Variants in TCIRG1 observed in about 807,000 individuals in gnomAD.
The protein encoded by TCIRG1 is T cell immune regulator 1, ATPase H+ transporting V0 subunit a3.
Under a neutral mutation model 95.5 loss-of-function variants are expected in TCIRG1, and 86 were observed. The observed-to-expected ratio is 0.90, with a 90% confidence interval of 0.76 to 1.08. The LOEUF (loss-of-function observed/expected upper bound fraction) is 1.08, where lower values mean the gene tolerates loss of function less well. Ranked by LOEUF, TCIRG1 falls within the 50% of genes least tolerant of loss-of-function variation. The probability of loss-of-function intolerance (pLI) is 0.00; values close to 1 mark genes in which losing one functional copy is unlikely to be tolerated. For missense variants in TCIRG1, 1,069 were observed against 1,140.2 expected (o/e 0.94, Z 0.90); for synonymous variants, 499 against 501.3 (o/e 1.00, Z 0.06).
At chr11:68,048,742 C>T (rs922368428) in intron 13 of TCIRG1, 137 bp from the exon 14 acceptor site, 26 of 784,026 alleles carry the variant, frequency 3.3e-5, no homozygotes, top group Admixed American at 1.1e-4. Flanking sequence ...TGTTGCCCCT[C>T]GGTGGGTGGG....
intron 1 of TCIRG1, among the ~76,000 whole-genome samples, chr11:68,040,503 C>A (rs556283037): frequency 6.6e-6 from 1 of 152,194 alleles, no homozygotes; most frequent in Admixed American, 6.5e-5. Context: ...CCTGACCAGG[C>A]CTGTCCCCTC....
At position 68,050,273 on chromosome 11, in the gene TCIRG1, G is replaced by A. The variant is rs760337621; in HGVS notation, c.2236+19G>A. 1.7e-5 allele frequency: 28 copies of A among 1,607,538 alleles called. No homozygotes were observed. Among genetic ancestry groups the A allele is most frequent in the Admixed American group, 1.3e-4 (8 of 59,984 alleles). On this transcript the variant is annotated intron_variant, in intron 18 of 19. Coordinates refer to ENST00000265686, the MANE Select transcript of TCIRG1 (RefSeq NM_006019.4). ...CACGCCCGTGAGTGACCTGGCCACCGACGGCTGGCCCCAGCTCCTGGCTTC... is the reference window on the plus strand; with the variant it reads ...CACGCCCGTGAGTGACCTGGCCACCAACGGCTGGCCCCAGCTCCTGGCTTC...
chr11:68,044,255 G>A lies in TCIRG1; in HGVS notation c.931G>A (p.Val311Met), dbSNP rs78181205. Residue 311 changes from valine (V) to methionine (M), a missense_variant, in exon 9 of 20, where the codon GTG becomes ATG. Coordinates refer to ENST00000265686, the MANE Select transcript of TCIRG1 (RefSeq NM_006019.4). ...AVYLALNQCS[V>M]STTHKCLIAE... ...GTACCTGGCCCTGAACCAGTGCAGC[G>A]TGAGCACCACGCACAAGTGCCTCAT... is the stretch of plus-strand genomic sequence containing the variant. 36 of 1,602,724 alleles carry A rather than the reference G, an allele frequency of 2.2e-5. No homozygotes were observed. The East Asian group carries it at 4.1e-4, about 18-fold the overall frequency.
At position 68,043,893 on chromosome 11, in the gene TCIRG1, C is replaced by T; in HGVS notation, c.793C>T (p.Gln265Ter). Residue 265 changes from glutamine (Q) to a stop codon, truncating the protein, a stop_gained, in exon 8 of 20, where the codon CAG becomes TAG. Transcript: ENST00000265686. LOFTEE classifies it high-confidence loss of function. ...GALQQLQQQS[Q>*]ELQEVLGETE... The stretch of plus-strand genomic sequence containing the variant: ...CCTGCAGCAGCTGCAACAGCAGAGC[C>T]AGGAGCTGCAGGAGGTGGGTGCCCC... The T allele has an allele frequency of 6.4e-7, 1 of 1,552,866 alleles. No individual in the cohort carries two copies. The highest frequency in any genetic ancestry group is 8.7e-7 in the Non-Finnish European group (1 of 1,149,578).
rs1442151162 is a variant in TCIRG1 at position 68,047,463 on chromosome 11, T to G, written c.1196T>G (p.Leu399Arg). The change falls in exon 11 of 20, where the codon CTG becomes CGG. Residue 399 changes from leucine (L) to arginine (R), a missense_variant. Transcript: ENST00000265686. ...TACACCATCATCACCTTCCCCTTCC[T>G]GTTTGCTGTGATGTTCGGGGATGTG... ...APYTIITFPFLFAVMFGDVGH... is the reference protein window; with the variant it reads ...APYTIITFPFRFAVMFGDVGH... 2 of 1,614,078 alleles carry G rather than the reference T, an allele frequency of 1.2e-6. No homozygotes were observed. Among genetic ancestry groups the G allele is most frequent in the Non-Finnish European group, 8.5e-7 (1 of 1,179,990 alleles).
intron 10 of TCIRG1, among the ~76,000 whole-genome samples, 200 bp downstream of exon 10, chr11:68,045,302 C>T (rs1490305867): frequency 6.6e-6 from 1 of 152,270 alleles, no homozygotes; most frequent in East Asian, 1.9e-4. Context: ...GCCAACTCCC[C>T]CTTGTTGAGT....
At chr11:68,040,936 G>A (rs1306975650) in intron 1 of TCIRG1, among the ~76,000 whole-genome samples, 2 of 152,210 alleles carry the variant, frequency 1.3e-5, no homozygotes, top group Non-Finnish European at 2.9e-5. Flanking sequence ...ACGGCAGCCC[G>A]AGAGGAGGGA....
rs750893961 is a variant in TCIRG1, at chr11:68,050,735, C to A, written c.2415-6C>A. On this transcript the variant is annotated splice_polypyrimidine_tract_variant and splice_region_variant and intron_variant, in intron 19 of 19. Coordinates refer to ENST00000265686, the MANE Select transcript of TCIRG1 (RefSeq NM_006019.4). Reference sequence around the variant, plus strand: ...CCTCACCAACCCCTCTGCTTCTCACCCCCAGGGTGGAATTCCAGAACAAGT... The same window carrying A: ...CCTCACCAACCCCTCTGCTTCTCACACCCAGGGTGGAATTCCAGAACAAGT... The A allele has an allele frequency of 2.5e-5, 40 of 1,613,928 alleles. No homozygotes were observed. The highest frequency in any genetic ancestry group is 3.4e-5 in the Non-Finnish European group (40 of 1,180,028).
chr11:68,048,033 T>C, intron 13 of TCIRG1, 61 bp downstream of exon 13: 1 of 1,436,666 alleles, frequency 7.0e-7, no homozygotes, highest in Non-Finnish European at 9.8e-7. Context: ...GGGCTGGGGC[T>C]CCCCTCGGTT....
chr11:68,049,726 A>G lies in TCIRG1; in HGVS notation c.1951A>G (p.Thr651Ala). The G allele has an allele frequency of 6.3e-7, 1 of 1,587,954 alleles. No homozygotes were observed. Among genetic ancestry groups the G allele is most frequent in the East Asian group, 2.3e-5 (1 of 44,148 alleles). Residue 651 changes from threonine to alanine, a missense_variant, in exon 16 of 20, where the codon ACA becomes GCA. Coordinates refer to ENST00000265686, the MANE Select transcript of TCIRG1 (RefSeq NM_006019.4). ...LAMVPILLLG[T>A]PLHLLHRHRR... ...CATGGTGCCCATCCTGCTGCTTGGC[A>G]CACCCCTGCACCTGCTGCACCGCCA... is the stretch of plus-strand genomic sequence containing the variant.
intron 10 of TCIRG1, among the ~76,000 whole-genome samples, chr11:68,046,450 C>G (rs2134450005): frequency 6.6e-6 from 1 of 152,296 alleles, no homozygotes; most frequent in East Asian, 1.9e-4. Context: ...AGCGGCCGTC[C>G]TCATCTTCAC....
intron 10 of TCIRG1, among the ~76,000 whole-genome samples, chr11:68,046,714 TG>T (rs1312092495): frequency 4.6e-5 from 7 of 152,190 alleles, no homozygotes; most frequent in Admixed American, 4.6e-4. Context: ...CCCATTTTAC[TG>T]ATGGGAAGTC....
At position 68,050,871 on chromosome 11, in the gene TCIRG1, G is replaced by A; in HGVS notation, c.*52G>A. On this transcript the variant is annotated 3_prime_UTR_variant, in exon 20 of 20. Transcript: ENST00000265686. ...CCTTCCTGACCTCTGAGGCAGGAGA[G>A]GAATAAAGACGGTCCGCCCTGGCAG... is the stretch of plus-strand genomic sequence containing the variant. 1 of 1,591,330 alleles carries A rather than the reference G, an allele frequency of 6.3e-7. No individual in the cohort carries two copies. The highest frequency in any genetic ancestry group is 8.6e-7 in the Non-Finnish European group (1 of 1,165,230).
rs1404955903 is a variant in TCIRG1 at position 68,043,029 on chromosome 11, C to T, written c.501C>T (p.Val167=). ...GGGGGCCGCACCAGGACCTGAGGGT[C>T]AAGTGAGTGAGGGATGACCTCATGC... ...APGGPHQDLR[V]NFVAGAVEPH... The change falls in exon 5 of 20, where the codon GTC becomes GTT. Residue 167 remains valine (V), a splice_region_variant and synonymous_variant. Coordinates refer to ENST00000265686, the MANE Select transcript of TCIRG1 (RefSeq NM_006019.4). 6.5e-7 allele frequency: 1 copy of T among 1,550,258 alleles called. No individual in the cohort carries two copies. The highest frequency in any genetic ancestry group is 8.7e-7 in the Non-Finnish European group (1 of 1,147,090).
chr11:68,050,084 C>G lies in TCIRG1; in HGVS notation c.2118+18C>G. On this transcript the variant is annotated intron_variant, in intron 17 of 19. Coordinates refer to ENST00000265686, the MANE Select transcript of TCIRG1 (RefSeq NM_006019.4). ...AGGCCGAGGTGGGTGCAGTGCCTTC[C>G]TGGGGGTGGGACGGCTGAGGCCCTG... 1.2e-6 allele frequency: 2 copies of G among 1,612,846 alleles called. No homozygotes were observed. Among genetic ancestry groups the G allele is most frequent in the Non-Finnish European group, 1.7e-6 (2 of 1,179,712 alleles).
chr11:68,049,780 G>T lies in TCIRG1; in HGVS notation c.2005G>T (p.Asp669Tyr). 1 of 1,571,506 alleles carries T rather than the reference G, an allele frequency of 6.4e-7. No homozygotes were observed. The highest frequency in any genetic ancestry group is 8.6e-7 in the Non-Finnish European group (1 of 1,165,846). The change falls in exon 16 of 20, where the codon GAC becomes TAC. Residue 669 changes from aspartate (D) to tyrosine (Y), a missense_variant. Asp to Tyr is a radical substitution (Grantham distance 160). Coordinates refer to ENST00000265686, the MANE Select transcript of TCIRG1 (RefSeq NM_006019.4). ...CCGCCGCCTGCGGAGGAGGCCCGCT[G>T]ACCGACAGGTGGGACCGGGGCCTAA... ...HRRRLRRRPADRQEENKAGLL... is the reference protein window; with the variant it reads ...HRRRLRRRPAYRQEENKAGLL...
Position 68,049,222 on chromosome 11 carries a change from C to A in TCIRG1, c.1815C>A (p.Ser605Arg). The change falls in exon 15 of 20, where the codon AGC (serine) becomes AGA (arginine). Residue 605 changes from serine (S) to arginine (R), a missense_variant. Transcript: ENST00000265686. The part of the protein sequence containing the change: ...VWAARAASAP[S>R]ILIHFINMFL... ...CTGCCAGGGCCGCCTCGGCCCCCAG[C>A]ATCCTCATCCACTTCATCAACATGT... The A allele has an allele frequency of 6.2e-7, 1 of 1,613,892 alleles. No individual in the cohort carries two copies. The highest frequency in any genetic ancestry group is 8.5e-7 in the Non-Finnish European group (1 of 1,180,010).
At position 68,050,026 on chromosome 11, in the gene TCIRG1, A is replaced by G; in HGVS notation, c.2078A>G (p.Glu693Gly). Residue 693 changes from glutamate to glycine, a missense_variant, in exon 17 of 20, where the codon GAG becomes GGG. Physicochemically the swap from Glu to Gly is moderately conservative, Grantham distance 98 (BLOSUM62 -2). Coordinates refer to ENST00000265686, the MANE Select transcript of TCIRG1 (RefSeq NM_006019.4). The stretch of plus-strand genomic sequence containing the variant: ...TCTGTGAATGGCTGGAGCTCCGATG[A>G]GGAAAAGGCAGGGGGCCTGGATGAT... The part of the protein sequence containing the change: ...DASVNGWSSD[E>G]EKAGGLDDEE... 1 of 1,613,336 alleles carries G rather than the reference A, an allele frequency of 6.2e-7. No individual in the cohort carries two copies. The highest frequency in any genetic ancestry group is 8.5e-7 in the Non-Finnish European group (1 of 1,179,904).
At chr11:68,048,673 C>T (rs1855629668) in intron 13 of TCIRG1, among the ~76,000 whole-genome samples, 1 of 152,220 alleles carries the variant, frequency 6.6e-6, no homozygotes, top group African/African-American at 2.4e-5. Context: ...GACTGAGGCA[C>T]AGAGGTCATG....
Sources: allele counts gnomAD v4.1 joint callset (sites outside exome capture counted in the v4.1 genomes callset), GRCh38; gene constraint gnomAD v4.1.1; transcripts MANE v1.5; gene names NCBI Gene and HGNC (gene_info 2026-07-23, HGNC 2026-07-21).